Variants in NDRG3 observed in about 807,000 individuals in gnomAD.
The protein encoded by NDRG3 is NDRG family member 3, also known as protein NDRG3.
In NDRG3, 23 loss-of-function variants were observed where a neutral mutation model predicts 57.2. That is an observed-to-expected ratio of 0.40 (90% CI 0.29 to 0.57). The LOEUF is 0.57. Ranked by LOEUF, NDRG3 falls within the 20% of genes least tolerant of loss-of-function variation. NDRG3 has a pLI of 0.42. For synonymous variants in NDRG3, 132 were observed against 162.6 expected, an observed-to-expected ratio of 0.81 and a Z score of 1.43; for missense variants, 384 against 457.3, an observed-to-expected ratio of 0.84 and a Z score of 1.46.
At position 36,680,873 on chromosome 20, in the gene NDRG3, A is replaced by G; in HGVS notation, c.474T>C (p.Leu158=). 3 of 1,614,120 alleles carry G rather than the reference A, an allele frequency of 1.9e-6. No individual in the cohort carries two copies. The South Asian group carries it at 3.3e-5, about 18-fold the overall frequency. The change falls in exon 8 of 16, where the codon CTT becomes CTC. Residue 158 remains leucine, a synonymous_variant. Transcript: ENST00000349004. ...CGCAAGGGTCAACATTAATGAGCAC[A>G]AGGCCTTCCACAAGCTCTGGATGGT... ...ALNHPELVEG[L]VLINVDPCAK...
chr20:36,656,519 C>T lies in NDRG3; in HGVS notation c.872G>A (p.Gly291Glu). ...TACCTGAACTACCTGGGGCAGTCCC[C>T]CACAGTCCGCCATCTAGAAAAGGAA... ...NTTLLKMADC[G>E]GLPQVVQPGK... The change falls in exon 14 of 16, where the codon GGG becomes GAG. Residue 291 changes from glycine (G) to glutamate (E), a missense_variant. Physicochemically the swap from Gly to Glu is moderately conservative, Grantham distance 98 (BLOSUM62 -2). Transcript: ENST00000349004. 1 of 1,614,076 alleles carries T rather than the reference C, an allele frequency of 6.2e-7. No individual in the cohort carries two copies. Among genetic ancestry groups the T allele is most frequent in the South Asian group, 1.1e-5 (1 of 91,080 alleles).
In NDRG3 at chr20:36,671,323, G is replaced by A. The variant is rs183892594; in HGVS notation, c.588+18C>T. On this transcript the variant is annotated intron_variant, in intron 9 of 15. Transcript: ENST00000349004. ...CAAGCCAATAAACACAGCTCTTCTG[G>A]GTGGAACAGGTACTTACCTGCCCAA... 6.2e-7 allele frequency: 1 copy of A among 1,605,040 alleles called. No individual in the cohort carries two copies. The highest frequency in any genetic ancestry group is 1.3e-5 in the African/African-American group (1 of 74,738).
intron 6 of NDRG3, among the ~76,000 whole-genome samples, chr20:36,683,572 G>A (rs928119026): frequency 6.6e-6 from 1 of 151,446 alleles, no homozygotes; most frequent in Non-Finnish European, 1.5e-5. Flanking sequence ...AGCTGCGATC[G>A]CACCACTACA....
At chr20:36,696,190 C>A (rs1405592566) in intron 3 of NDRG3, among the ~76,000 whole-genome samples, 1 of 151,666 alleles carries the variant, frequency 6.6e-6, no homozygotes, top group Admixed American at 6.6e-5. Context: ...TCTGCCTCCC[C>A]AGTTCAAGTG....
At chr20:36,729,489 G>A (rs1985145295) in intron 1 of NDRG3, among the ~76,000 whole-genome samples, 2 of 152,018 alleles carry the variant, frequency 1.3e-5, no homozygotes, top group Admixed American at 6.6e-5. Context: ...GATAATCTGA[G>A]GTGAGGAGAT....
intron 2 of NDRG3, among the ~76,000 whole-genome samples, chr20:36,717,918 A>G (rs1452234886): frequency 6.6e-6 from 1 of 152,206 alleles, no homozygotes; most frequent in African/African-American, 2.4e-5. Flanking sequence ...ACATTCTACA[A>G]TGCACAGAGC....
intron 1 of NDRG3, among the ~76,000 whole-genome samples, chr20:36,724,681 A>C (rs1984813673): frequency 6.6e-6 from 1 of 152,176 alleles, no homozygotes; most frequent in Admixed American, 6.6e-5. Context: ...TAATCCCAGC[A>C]CTTTGGGAGG....
At chr20:36,667,666 C>T (rs1009913156) in intron 9 of NDRG3, among the ~76,000 whole-genome samples, 2 of 151,956 alleles carry the variant, frequency 1.3e-5, no homozygotes, top group Admixed American at 1.3e-4. Context: ...CAGTTTTAAG[C>T]ATAAAGAAAT....
intron 3 of NDRG3, among the ~76,000 whole-genome samples, 194 bp downstream of exon 3, chr20:36,706,778 T>C (rs1316562770): frequency 1.3e-5 from 2 of 152,178 alleles, no homozygotes; most frequent in South Asian, 2.1e-4. Flanking sequence ...GCTGGAATTA[T>C]AGGTATGAGC....
At chr20:36,704,065 A>T (rs938817392) in intron 3 of NDRG3, among the ~76,000 whole-genome samples, 26 of 151,518 alleles carry the variant, frequency 1.7e-4, no homozygotes, top group African/African-American at 6.1e-4. Context: ...TTATATTCTA[A>T]TTTTTTCTCT....
chr20:36,714,978 A>G (rs1393784080), intron 2 of NDRG3, among the ~76,000 whole-genome samples: 3 of 104,830 alleles, frequency 2.9e-5, no homozygotes, highest in East Asian at 3.4e-4. Flanking sequence ...TGAAAATCCT[A>G]TATCTGTGTG....
rs187800259 is a variant in NDRG3 at position 36,709,487 on chromosome 20, G to T, written c.58-2480C>A. ...AAAATATTATTCCTAACACGAAACC[G>T]AATTCACAAAAAGTCTGATACAGTC... On this transcript the variant is annotated intron_variant, in intron 2 of 15. Coordinates refer to ENST00000349004, the MANE Select transcript of NDRG3 (RefSeq NM_032013.4). Among the ~76,000 whole-genome samples the T allele has an allele frequency of 1.1e-3, 164 of 152,210 alleles. 1 individual carries two copies. Among genetic ancestry groups the T allele is most frequent in the African/African-American group, 3.8e-3 (157 of 41,544 alleles).
intron 6 of NDRG3, among the ~76,000 whole-genome samples, chr20:36,683,453 A>C (rs954624299): frequency 4.0e-5 from 6 of 151,350 alleles, no homozygotes; most frequent in African/African-American, 1.5e-4. Flanking sequence ...GTCTCTACTA[A>C]AAATACAAAA....
intron 1 of NDRG3, among the ~76,000 whole-genome samples, chr20:36,723,539 G>A (rs181672656): frequency 1.1e-3 from 165 of 152,154 alleles, no homozygotes; most frequent in Non-Finnish European, 1.9e-3. Context: ...TGCCTCTAAA[G>A]AGTAGAGATG....
intron 2 of NDRG3, among the ~76,000 whole-genome samples, chr20:36,713,415 A>G (rs1984038780): frequency 6.6e-6 from 1 of 152,196 alleles, no homozygotes; most frequent in Non-Finnish European, 1.5e-5. Context: ...GAACGGGTCA[A>G]TGATTAAAGT....
intron 8 of NDRG3, among the ~76,000 whole-genome samples, chr20:36,674,545 A>G (rs1354392901): frequency 6.6e-6 from 1 of 150,432 alleles, no homozygotes; most frequent in African/African-American, 2.4e-5. Context: ...CTTTCAAAAA[A>G]GTTCCTAGAT....
At chr20:36,668,513 T>C (rs1979831112) in intron 9 of NDRG3, 1 of 152,212 alleles carries the variant, frequency 6.6e-6, no homozygotes, top group Non-Finnish European at 1.5e-5. Flanking sequence ...ATACAAGCAT[T>C]AACTTGCTTA....
At chr20:36,670,690 A>T (rs111757453) in intron 9 of NDRG3, among the ~76,000 whole-genome samples, 1 of 152,186 alleles carries the variant, frequency 6.6e-6, no homozygotes, top group East Asian at 1.9e-4. Flanking sequence ...TTTCCTTCAG[A>T]TAACATTTAA....
intron 2 of NDRG3, among the ~76,000 whole-genome samples, chr20:36,714,208 C>T (rs1448143399): frequency 6.6e-6 from 1 of 151,630 alleles, no homozygotes; most frequent in Non-Finnish European, 1.5e-5. Context: ...GCCAAGAGAC[C>T]AGCCTGGCCA....
Sources: allele counts gnomAD v4.1 joint callset (sites outside exome capture counted in the v4.1 genomes callset), GRCh38; gene constraint gnomAD v4.1.1; transcripts MANE v1.5; gene names NCBI Gene and HGNC (gene_info 2026-07-23, HGNC 2026-07-21).